ANO2: variants seen among roughly 807,000 people sequenced by gnomAD.
The protein encoded by ANO2 is anoctamin-2.
A neutral mutation model predicts 124.2 loss-of-function variants in ANO2; 101 were observed. The ratio of observed to expected loss-of-function variants is 0.81; its 90% CI spans 0.69 to 0.96. The LOEUF is 0.96. Among genes scored for constraint, ANO2 ranks in the 40% least tolerant of loss-of-function variants. The probability of loss-of-function intolerance (pLI) is 0.00; values close to 1 mark genes in which losing one functional copy is unlikely to be tolerated. For missense variants in ANO2, 1,293 were observed against 1,274.5 expected (o/e 1.01, Z -0.22); for synonymous variants, 486 against 482.5 (o/e 1.01, Z -0.09).
intron 14 of ANO2, among the ~76,000 whole-genome samples, chr12:5,728,666 A>G (rs1592005875): frequency 6.6e-6 from 1 of 152,168 alleles, no homozygotes; most frequent in East Asian, 1.9e-4. Context: ...GGAAATGCAA[A>G]ACACCCAGAA....
rs978473837 is a variant in ANO2 at position 5,622,348 on chromosome 12, T to G, written c.1817-7051A>C. On this transcript the variant is annotated intron_variant, in intron 16 of 24. Transcript: ENST00000682330. Reference sequence around the variant, plus strand: ...CATAGGCCTGGCTATTATTTATGAGTTTTACTTCTAAAAAACAGCCTGTGC... The same window carrying G: ...CATAGGCCTGGCTATTATTTATGAGGTTTACTTCTAAAAAACAGCCTGTGC... Among the ~76,000 whole-genome samples the G allele has an allele frequency of 3.3e-5, 5 of 152,110 alleles. No individual in the cohort carries two copies. The East Asian group carries it at 7.7e-4, about 24-fold the overall frequency.
At position 5,578,415 on chromosome 12, in the gene ANO2, C is replaced by T; in HGVS notation, c.2337G>A (p.Lys779=). 6.2e-7 allele frequency: 1 copy of T among 1,613,996 alleles called. No individual in the cohort carries two copies. The highest frequency in any genetic ancestry group is 8.5e-7 in the Non-Finnish European group (1 of 1,179,870). The change falls in exon 21 of 25, where the codon AAG becomes AAA. Residue 779 remains lysine (K), a synonymous_variant. Coordinates refer to ENST00000682330, the MANE Select transcript of ANO2 (RefSeq NM_001364791.2). Reference sequence around the variant, plus strand: ...CCGGCCGTCTCAGCTCTGTAACAAACTTCTTTGCATCGAGCCGCACTTCAA... The same window carrying T: ...CCGGCCGTCTCAGCTCTGTAACAAATTTCTTTGCATCGAGCCGCACTTCAA... ...NVIEVRLDAK[K]FVTELRRPDA...
intron 14 of ANO2, among the ~76,000 whole-genome samples, chr12:5,703,186 T>C (rs1276657859): frequency 6.6e-6 from 1 of 152,196 alleles, no homozygotes; most frequent in Non-Finnish European, 1.5e-5. Flanking sequence ...GGCCTACATA[T>C]ATCAAAGTGG....
intron 10 of ANO2, among the ~76,000 whole-genome samples, chr12:5,766,060 T>C (rs1951879937): frequency 1.3e-5 from 2 of 152,136 alleles, no homozygotes; most frequent in Non-Finnish European, 2.9e-5. Context: ...ATGCCAAGCA[T>C]TGGCCAAAAT....
chr12:5,566,643 G>C (rs906081593), intron 23 of ANO2, among the ~76,000 whole-genome samples: 4 of 152,142 alleles, frequency 2.6e-5, no homozygotes, highest in African/African-American at 7.2e-5. Flanking sequence ...CTCTGCCCGG[G>C]TCAATCCCTG....
chr12:5,578,279 T>C, intron 21 of ANO2, 87 bp downstream of exon 21: 1 of 1,521,792 alleles, frequency 6.6e-7, no homozygotes, highest in Middle Eastern at 2.3e-4. Flanking sequence ...CCCAGCCCTC[T>C]TGATTCCTGG....
intron 3 of ANO2, among the ~76,000 whole-genome samples, chr12:5,884,251 G>A (rs1451173669): frequency 6.6e-6 from 1 of 152,218 alleles, no homozygotes; most frequent in African/African-American, 2.4e-5. Context: ...TTCATGAGAA[G>A]AGGATGAAAT....
At chr12:5,600,779 G>A (rs759024982) in intron 19 of ANO2, among the ~76,000 whole-genome samples, 2 of 152,178 alleles carry the variant, frequency 1.3e-5, no homozygotes, top group South Asian at 2.1e-4. Context: ...AAGACTTGAA[G>A]TGTTTAAACG....
intron 16 of ANO2, among the ~76,000 whole-genome samples, chr12:5,616,288 T>C (rs1013765381): frequency 1.3e-5 from 2 of 152,178 alleles, no homozygotes; most frequent in African/African-American, 4.8e-5. Flanking sequence ...TGAGGGCCTG[T>C]CTTTTGGCTT....
chr12:5,865,490 C>T (rs1046454714), intron 3 of ANO2, among the ~76,000 whole-genome samples: 2 of 151,850 alleles, frequency 1.3e-5, no homozygotes, highest in Admixed American at 1.3e-4. Context: ...TTCACACCAT[C>T]ATACATTTAC....
chr12:5,703,867 T>G (rs1949501571), intron 14 of ANO2, among the ~76,000 whole-genome samples: 1 of 152,182 alleles, frequency 6.6e-6, no homozygotes, highest in Non-Finnish European at 1.5e-5. Flanking sequence ...TAGACTTTTC[T>G]GTGTATACAA....
At chr12:5,835,531 G>C (rs1954287847) in intron 4 of ANO2, among the ~76,000 whole-genome samples, 1 of 152,198 alleles carries the variant, frequency 6.6e-6, no homozygotes, top group Non-Finnish European at 1.5e-5. Context: ...CTGTGGGCCT[G>C]GCTTTCAATG....
At chr12:5,657,035 G>C (rs1008463147) in intron 14 of ANO2, among the ~76,000 whole-genome samples, 1 of 152,226 alleles carries the variant, frequency 6.6e-6, no homozygotes, top group Non-Finnish European at 1.5e-5. Flanking sequence ...AACTGTGGAT[G>C]GAGAAGGTTG....
Position 5,596,213 on chromosome 12 carries a change from G to C in ANO2, c.2233+3271C>G, listed in dbSNP as rs567617637. ...AACAAAGATAGAGGATTAAAATAGG[G>C]AGAATTGTTAAATAAGCCTTCACTG... On this transcript the variant is annotated intron_variant, in intron 20 of 24. Transcript: ENST00000682330. 1.2e-4 allele frequency among the ~76,000 whole-genome samples: 18 copies of C among 152,288 alleles called. No homozygotes were observed. In the South Asian group the frequency reaches 3.7e-3, roughly 32 times the overall value.
At chr12:5,939,637 A>T (rs967839053) in intron 1 of ANO2, among the ~76,000 whole-genome samples, 29 of 152,214 alleles carry the variant, frequency 1.9e-4, no homozygotes, top group Admixed American at 1.3e-4. Flanking sequence ...ATTATTATCC[A>T]CACCGATGGT....
intron 10 of ANO2, among the ~76,000 whole-genome samples, chr12:5,789,415 C>T (rs1184213495): frequency 1.3e-5 from 2 of 152,262 alleles, no homozygotes; most frequent in Admixed American, 6.5e-5. Context: ...AATCCCCTCT[C>T]TGTCTCTCTT....
chr12:5,625,630 C>T (rs1190221426), intron 16 of ANO2, among the ~76,000 whole-genome samples: 2 of 152,170 alleles, frequency 1.3e-5, no homozygotes, highest in Non-Finnish European at 2.9e-5. Context: ...CAAACCCCAG[C>T]TCATGACCCA....
intron 3 of ANO2, among the ~76,000 whole-genome samples, chr12:5,905,789 C>A (rs1565767384): frequency 6.6e-6 from 1 of 151,952 alleles, no homozygotes; most frequent in East Asian, 1.9e-4. Context: ...TGGAAAGATA[C>A]AAAAAAAATC....
At chr12:5,589,652 C>A (rs911695901) in intron 20 of ANO2, among the ~76,000 whole-genome samples, 2 of 152,084 alleles carry the variant, frequency 1.3e-5, no homozygotes, top group Non-Finnish European at 2.9e-5. Context: ...TTACCAAAGG[C>A]ATCTCTATTT....
Sources: allele counts gnomAD v4.1 joint callset (sites outside exome capture counted in the v4.1 genomes callset), GRCh38; gene constraint gnomAD v4.1.1; transcripts MANE v1.5; gene names NCBI Gene and HGNC (gene_info 2026-07-23, HGNC 2026-07-21).